Variants in ZPBP observed in about 807,000 individuals in gnomAD.
The protein encoded by ZPBP is zona pellucida binding protein, also known as zona pellucida-binding protein 1.
ZPBP carries 26 observed loss-of-function variants against 44.8 expected under a neutral mutation model. That is an observed-to-expected ratio of 0.58 (90% CI 0.43 to 0.81). The LOEUF is 0.81. Among genes scored for constraint, ZPBP ranks in the 30% least tolerant of loss-of-function variants. ZPBP has a pLI of 0.00. For missense variants in ZPBP, 409 were observed against 434.0 expected, an observed-to-expected ratio of 0.94 and a Z score of 0.51; for synonymous variants, 174 against 153.2, an observed-to-expected ratio of 1.14 and a Z score of -1.00.
At chr7:49,986,226 G>A (rs1562825066) in intron 6 of ZPBP, among the ~76,000 whole-genome samples, 1 of 152,148 alleles carries the variant, frequency 6.6e-6, no homozygotes, top group African/African-American at 2.4e-5. Flanking sequence ...AGAAGAAACT[G>A]TATCCCCCAC....
rs1473470894 is a variant in ZPBP at position 49,877,478 on chromosome 7, AAAAATATATATAT to A, written n.509+23627_509+23639del. 3.6e-4 allele frequency among the ~76,000 whole-genome samples: 14 copies of A among 39,168 alleles called. 2 individuals carry two copies. The highest frequency in any genetic ancestry group is 1.4e-3 in the African/African-American group (12 of 8,880). 25.7% of individuals were successfully genotyped at this position (39,168 alleles called of 152,430 possible). On this transcript the variant is annotated intron_variant and non_coding_transcript_variant, in intron 2 of 2. Coordinates refer to the ZPBP transcript ENST00000465922. ...ACTCTGTCTCAAAAAAAAAAAAAAA[AAAAATATATATAT>A]ATATATATATATATATATATATATA...
At chr7:49,967,636 T>A (rs1342166563) in intron 7 of ZPBP, among the ~76,000 whole-genome samples, 1 of 152,140 alleles carries the variant, frequency 6.6e-6, no homozygotes, top group Non-Finnish European at 1.5e-5. Flanking sequence ...AACCTCCGCC[T>A]CCCGGGTTCA....
intron 2 of ZPBP, among the ~76,000 whole-genome samples, chr7:49,852,454 A>G (rs1305487375): frequency 6.6e-6 from 1 of 152,234 alleles, no homozygotes; most frequent in Non-Finnish European, 1.5e-5. Flanking sequence ...TGATTTGTGC[A>G]TGGCCTAGCC....
At chr7:50,046,590 G>T (rs201531102) in intron 4 of ZPBP, among the ~76,000 whole-genome samples, 4 of 152,008 alleles carry the variant, frequency 2.6e-5, no homozygotes, top group African/African-American at 9.7e-5. Context: ...CAAAACCACC[G>T]TAAGATACCA....
intron 4 of ZPBP, among the ~76,000 whole-genome samples, chr7:50,048,156 G>T (rs143869921): frequency 1.7e-4 from 26 of 151,966 alleles, no homozygotes; most frequent in African/African-American, 6.3e-4. Flanking sequence ...AAACAACAAC[G>T]AAAAGTTACT....
chr7:49,866,153 A>G (rs1790882041), intron 2 of ZPBP, among the ~76,000 whole-genome samples: 1 of 152,126 alleles, frequency 6.6e-6, no homozygotes, highest in Non-Finnish European at 1.5e-5. Context: ...TCTAAGCCAA[A>G]CAATTCCTTC....
intron 7 of ZPBP, chr7:49,942,346 G>A: frequency 4.9e-6 from 1 of 204,322 alleles, no homozygotes; most frequent in Non-Finnish European, 9.9e-6. Context: ...GTGTTTCATA[G>A]TAGTGCACAC....
At chr7:49,845,947 C>T (rs1789933423), downstream of ZPBP, among the ~76,000 whole-genome samples, 1 of 152,222 alleles carries the variant, frequency 6.6e-6, no homozygotes, top group African/African-American at 2.4e-5. Context: ...TCTTTGACAC[C>T]TGCCCCTGTG....
chr7:49,852,477 A>G (rs1375019898), intron 2 of ZPBP, among the ~76,000 whole-genome samples: 1 of 152,188 alleles, frequency 6.6e-6, no homozygotes, highest in Admixed American at 6.5e-5. Context: ...TTAGGGAGAT[A>G]ATTTCTTTCC....
At chr7:49,981,469 A>T (rs1329422084) in intron 7 of ZPBP, among the ~76,000 whole-genome samples, 4 of 74,364 alleles carry the variant, frequency 5.4e-5, no homozygotes, top group Non-Finnish European at 6.9e-5. Context: ...TAATATATAT[A>T]ATTATATATA....
chr7:49,887,897 C>T (rs1240063850), intron 2 of ZPBP, among the ~76,000 whole-genome samples: 3 of 152,204 alleles, frequency 2.0e-5, no homozygotes, highest in Admixed American at 1.3e-4. Flanking sequence ...TTCTTCCTTG[C>T]GTTGTATTTA....
chr7:49,934,178 G>A (rs74691128), downstream of ZPBP, among the ~76,000 whole-genome samples: 2,102 of 152,116 alleles, frequency 0.014, 63 homozygotes, highest in African/African-American at 0.048. Context: ...TCCTCATTGT[G>A]GGCTTCATCC....
At chr7:49,933,941 T>A (rs1247609715), downstream of ZPBP, among the ~76,000 whole-genome samples, 2 of 150,150 alleles carry the variant, frequency 1.3e-5, no homozygotes, top group Non-Finnish European at 3.0e-5. Context: ...TTAGGAGATA[T>A]ACCTAATATT....
chr7:49,915,747 A>G (rs1201930610), intron 1 of ZPBP: 1 of 152,234 alleles, frequency 6.6e-6, no homozygotes, highest in Non-Finnish European at 1.5e-5. Context: ...ATTTGCTTCA[A>G]TGGGCAAGAG....
At chr7:50,068,769 G>A (rs996278802) in intron 3 of ZPBP, among the ~76,000 whole-genome samples, 1 of 152,060 alleles carries the variant, frequency 6.6e-6, no homozygotes, top group African/African-American at 2.4e-5. Context: ...TATCTCCTTG[G>A]TCCTGCCTTA....
the ZPBP span, among the ~76,000 whole-genome samples, chr7:49,842,792 T>C: frequency 1.3e-5 from 2 of 152,236 alleles, no homozygotes; most frequent in African/African-American, 4.8e-5. Context: ...ATACATGTCA[T>C]CTAGAAGGTG....
intron 3 of ZPBP, among the ~76,000 whole-genome samples, chr7:50,074,982 T>C (rs1400000043): frequency 6.6e-6 from 1 of 151,752 alleles, no homozygotes; most frequent in Non-Finnish European, 1.5e-5. Context: ...TTTTCCTCAG[T>C]ACAGAGATCA....
chr7:49,960,625 A>G (rs1019657169), intron 7 of ZPBP, among the ~76,000 whole-genome samples: 35 of 152,312 alleles, frequency 2.3e-4, no homozygotes, highest in East Asian at 3.9e-4. Context: ...TGTCCATACT[A>G]TTGTAAGGAC....
intron 2 of ZPBP, among the ~76,000 whole-genome samples, chr7:49,886,253 G>C (rs1046267732): frequency 6.6e-6 from 1 of 152,174 alleles, no homozygotes; most frequent in African/African-American, 2.4e-5. Context: ...GTGTGGCTTT[G>C]AATCACTTTT....
Sources: allele counts gnomAD v4.1 joint callset (sites outside exome capture counted in the v4.1 genomes callset), GRCh38; gene constraint gnomAD v4.1.1; transcripts MANE v1.5; gene names NCBI Gene and HGNC (gene_info 2026-07-23, HGNC 2026-07-21).